The following GGA2 variants were observed in gnomAD, a reference collection of about 807,000 sequenced individuals.
The protein encoded by GGA2 is golgi associated, gamma adaptin ear containing, ARF binding protein 2, also known as ADP-ribosylation factor-binding protein GGA2.
GGA2 carries 48 observed loss-of-function variants against 79.5 expected under a neutral mutation model. The observed-to-expected ratio is 0.60, with a 90% confidence interval of 0.48 to 0.77. The LOEUF (loss-of-function observed/expected upper bound fraction) is 0.77, where lower values mean the gene tolerates loss of function less well. GGA2 is among the 30% of genes least tolerant of loss of function. The pLI, the probability that GGA2 is intolerant of heterozygous loss-of-function variation, is 0.00. For synonymous variants in GGA2, 317 were observed against 302.0 expected, an observed-to-expected ratio of 1.05 and a Z score of -0.51; for missense variants, 770 against 774.0, an observed-to-expected ratio of 0.99 and a Z score of 0.06.
intron 14 of GGA2, 93 bp downstream of exon 14, chr16:23,474,811 G>T: frequency 1.0e-6 from 1 of 955,510 alleles, no homozygotes; most frequent in Non-Finnish European, 1.7e-6. Context: ...CAAATTTAAG[G>T]GCCACCTCTA....
chr16:23,511,912 A>G (rs1340188471), upstream of GGA2, among the ~76,000 whole-genome samples: 2 of 152,208 alleles, frequency 1.3e-5, no homozygotes, highest in Non-Finnish European at 2.9e-5. Context: ...GACCGGGGTG[A>G]GAGCTGTCCC....
At chr16:23,488,008 C>T (rs1032369324) in intron 6 of GGA2, among the ~76,000 whole-genome samples, 1 of 152,198 alleles carries the variant, frequency 6.6e-6, no homozygotes, top group Non-Finnish European at 1.5e-5. Flanking sequence ...ATCCCTGGGT[C>T]TTGGCCACCT....
chr16:23,486,908 C>G, intron 6 of GGA2, 118 bp from the exon 7 acceptor site: 2 of 746,526 alleles, frequency 2.7e-6, no homozygotes, highest in Admixed American at 3.6e-5. Context: ...CATGCACCAT[C>G]TCACCAAATG....
chr16:23,521,262 C>T (rs1170259255), intron 1 of GGA2, among the ~76,000 whole-genome samples: 1 of 152,120 alleles, frequency 6.6e-6, no homozygotes, highest in African/African-American at 2.4e-5. Flanking sequence ...AAACTCTATA[C>T]CCTAAACAGT....
At chr16:23,521,899 C>T in exon 1 of GGA2, 1 of 452,560 alleles carries the variant, frequency 2.2e-6, no homozygotes, top group Admixed American at 2.4e-5. Context: ...TGGATCGGCA[C>T]AGATCTGAGT....
intron 5 of GGA2, among the ~76,000 whole-genome samples, chr16:23,489,976 C>A (rs1291130054): frequency 6.6e-6 from 1 of 152,154 alleles, no homozygotes; most frequent in African/African-American, 2.4e-5. Context: ...CAAACAGATC[C>A]TACCAAGACC....
chr16:23,490,080 C>T (rs1229633425), intron 5 of GGA2, among the ~76,000 whole-genome samples: 1 of 152,186 alleles, frequency 6.6e-6, no homozygotes, highest in African/African-American at 2.4e-5. Context: ...TGGCTGTCTA[C>T]TGCTACGAGT....
At chr16:23,508,448 G>A (rs1478072327) in intron 1 of GGA2, among the ~76,000 whole-genome samples, 1 of 152,114 alleles carries the variant, frequency 6.6e-6, no homozygotes, top group African/African-American at 2.4e-5. Flanking sequence ...TTAACTCAAG[G>A]ATGTCTCATT....
chr16:23,517,268 C>T (rs534984774), intron 2 of GGA2, among the ~76,000 whole-genome samples: 858 of 4,966 alleles, frequency 0.17, 355 homozygotes, highest in Non-Finnish European at 0.21. Flanking sequence ...CTCGCTCTGT[C>T]GCCCAGGCTG....
At chr16:23,504,918 T>G (rs1450748331) in intron 1 of GGA2, among the ~76,000 whole-genome samples, 2 of 152,138 alleles carry the variant, frequency 1.3e-5, no homozygotes, top group Non-Finnish European at 2.9e-5. Flanking sequence ...CCTCCGGCTG[T>G]GAGTGAAATG....
intron 1 of GGA2, among the ~76,000 whole-genome samples, chr16:23,496,835 G>A (rs1596991555): frequency 6.6e-6 from 1 of 151,830 alleles, no homozygotes; most frequent in African/African-American, 2.4e-5. Flanking sequence ...GAGTGTTCCT[G>A]TAATCCCAGC....
At chr16:23,470,825 C>CTTTT (rs36067397) in intron 14 of GGA2, among the ~76,000 whole-genome samples, 1 of 56,108 alleles carries the variant, frequency 1.8e-5, no homozygotes, top group African/African-American at 7.5e-5. Context: ...GAAATAAATG[C>CTTTT]TTTTTTTTTT....
intron 2 of GGA2, among the ~76,000 whole-genome samples, chr16:23,518,105 A>G (rs4968015): frequency 0.94 from 142,407 of 151,656 alleles, 66,946 homozygotes; most frequent in African/African-American, 0.98. Context: ...TAGAGACGGC[A>G]TTTCACCATG....
At chr16:23,508,656 A>G (rs941140777) in intron 1 of GGA2, among the ~76,000 whole-genome samples, 4 of 152,132 alleles carry the variant, frequency 2.6e-5, no homozygotes, top group African/African-American at 9.7e-5. Flanking sequence ...GGGGCTCCCC[A>G]CGCTCTCTTT....
chr16:23,504,538 T>G (rs1964953764), intron 1 of GGA2, among the ~76,000 whole-genome samples: 1 of 152,218 alleles, frequency 6.6e-6, no homozygotes, highest in African/African-American at 2.4e-5. Flanking sequence ...ACTGGGCCCC[T>G]AAACACATAA....
At chr16:23,510,849 G>C (rs148900700), upstream of GGA2, among the ~76,000 whole-genome samples, 61 of 151,954 alleles carry the variant, frequency 4.0e-4, 1 homozygote, top group East Asian at 8.1e-3. Flanking sequence ...TGGGACTAGG[G>C]GAGGGCACCA....
chr16:23,502,785 C>T (rs1964934057), intron 1 of GGA2, among the ~76,000 whole-genome samples: 1 of 152,172 alleles, frequency 6.6e-6, no homozygotes, highest in Admixed American at 6.5e-5. Context: ...AGGACTGCAC[C>T]CCTTCTCAGT....
intron 5 of GGA2, 47 bp from the exon 6 acceptor site, chr16:23,488,756 A>G: frequency 2.9e-6 from 3 of 1,037,648 alleles, no homozygotes; most frequent in Non-Finnish European, 4.5e-6. Context: ...GGTACCCAGA[A>G]ACTTCAGTCA....
Position 23,499,069 on chromosome 16 carries a change from C to T in GGA2, c.92-3291G>A, listed in dbSNP as rs77378340. Among the ~76,000 whole-genome samples, 20 of 151,918 alleles carry T rather than the reference C, an allele frequency of 1.3e-4. 1 individual carries two copies. In the East Asian group the frequency reaches 3.9e-3, roughly 29 times the overall value. On this transcript the variant is annotated intron_variant, in intron 1 of 16. Transcript: ENST00000309859. ...GAGAACAGGAGGCATGGCCCAAGCT[C>T]CCCTCACAGAATCCAGAGCCTTCTC...
Sources: allele counts gnomAD v4.1 joint callset (sites outside exome capture counted in the v4.1 genomes callset), GRCh38; gene constraint gnomAD v4.1.1; transcripts MANE v1.5; gene names NCBI Gene and HGNC (gene_info 2026-07-23, HGNC 2026-07-21).